The following TMEM108 variants were observed in gnomAD, a reference collection of about 807,000 sequenced individuals.
TMEM108 encodes the protein transmembrane protein 108, also known as cancer/testis antigen 124.
A neutral mutation model predicts 35.1 loss-of-function variants in TMEM108; 12 were observed. The ratio of observed to expected loss-of-function variants is 0.34; its 90% confidence interval spans 0.22 to 0.55. The LOEUF (loss-of-function observed/expected upper bound fraction) is 0.55. Among genes scored for constraint, TMEM108 ranks in the 20% least tolerant of loss-of-function variants. The pLI is 0.89. For missense variants in TMEM108, 680 were observed against 753.3 expected (o/e 0.90, Z 1.14); for synonymous variants, 287 against 308.6 (o/e 0.93, Z 0.73).
intron 3 of TMEM108, among the ~76,000 whole-genome samples, chr3:133,344,484 T>A (rs928694594): frequency 1.3e-5 from 2 of 151,774 alleles, no homozygotes; most frequent in South Asian, 4.1e-4. Context: ...AAAAGATATA[T>A]ATCCTTCCAG....
chr3:133,231,773 C>T (rs1350656081), intron 3 of TMEM108, among the ~76,000 whole-genome samples: 3 of 152,166 alleles, frequency 2.0e-5, no homozygotes, highest in African/African-American at 4.8e-5. Context: ...TACTAGTGGA[C>T]ATTAGCCAGT....
intron 2 of TMEM108, among the ~76,000 whole-genome samples, chr3:133,193,577 C>G (rs1945531726): frequency 1.3e-5 from 2 of 152,246 alleles, no homozygotes; most frequent in Admixed American, 1.3e-4. Context: ...TTGCCGATAC[C>G]TATTTTATGA....
At chr3:133,343,792 G>C (rs1028142214) in intron 3 of TMEM108, among the ~76,000 whole-genome samples, 8 of 151,728 alleles carry the variant, frequency 5.3e-5, no homozygotes, top group African/African-American at 1.9e-4. Flanking sequence ...ACCCTTATAA[G>C]ATGTTTATCA....
intron 3 of TMEM108, among the ~76,000 whole-genome samples, chr3:133,299,828 T>A (rs1403157320): frequency 6.6e-6 from 1 of 152,192 alleles, no homozygotes; most frequent in Non-Finnish European, 1.5e-5. Context: ...ATCATACATC[T>A]GTTCCCCATT....
chr3:133,182,060 T>A (rs1024882279), intron 2 of TMEM108, among the ~76,000 whole-genome samples: 1 of 152,234 alleles, frequency 6.6e-6, no homozygotes, highest in Admixed American at 6.5e-5. Context: ...GTCTGCCCTG[T>A]AGATCTCAAC....
chr3:133,370,829 A>G (rs191088113), intron 3 of TMEM108, among the ~76,000 whole-genome samples: 1 of 151,328 alleles, frequency 6.6e-6, no homozygotes, highest in East Asian at 1.9e-4. Context: ...CAGACACCAT[A>G]TAACAGCCTC....
chr3:133,174,160 A>C (rs972993499), intron 2 of TMEM108, among the ~76,000 whole-genome samples: 1 of 152,252 alleles, frequency 6.6e-6, no homozygotes, highest in African/African-American at 2.4e-5. Context: ...AAGCTTGAGC[A>C]GGTAATCAAA....
At chr3:133,201,049 C>A (rs1033230466) in intron 2 of TMEM108, among the ~76,000 whole-genome samples, 2 of 152,078 alleles carry the variant, frequency 1.3e-5, no homozygotes, top group African/African-American at 4.8e-5. Flanking sequence ...ACTAAAAAAC[C>A]ACCGTGTGCC....
In TMEM108 at chr3:133,115,771, T is replaced by C. The variant is rs117488763; in HGVS notation, c.-47+69751T>C. Among the ~76,000 whole-genome samples the C allele has an allele frequency of 4.4e-3, 668 of 152,352 alleles. 11 individuals are homozygous for C. Among genetic ancestry groups the C allele is most frequent in the East Asian group, 0.031 (162 of 5,184 alleles). Reference sequence around the variant, plus strand: ...TGGTGTTTAATGAATATCTGCTATATGCAGGCACTATATCAGGTATTTCAC... The same window carrying C: ...TGGTGTTTAATGAATATCTGCTATACGCAGGCACTATATCAGGTATTTCAC... On this transcript the variant is annotated intron_variant, in intron 2 of 5. Transcript: ENST00000321871.
intron 2 of TMEM108, among the ~76,000 whole-genome samples, chr3:133,169,430 T>G (rs1161731964): frequency 6.6e-6 from 1 of 152,210 alleles, no homozygotes; most frequent in African/African-American, 2.4e-5. Context: ...GCAAAGGGAC[T>G]GTGTTGTTCA....
intron 2 of TMEM108, among the ~76,000 whole-genome samples, chr3:133,181,018 A>AAAAAAAC (rs1945332003): frequency 1.6e-5 from 2 of 121,640 alleles, no homozygotes; most frequent in African/African-American, 6.2e-5. Context: ...TAAAAAAAAA[A>AAAAAAAC]AAAAAAAAAA....
chr3:133,190,405 A>G, intron 2 of TMEM108, among the ~76,000 whole-genome samples: 1 of 152,222 alleles, frequency 6.6e-6, no homozygotes, highest in East Asian at 1.9e-4. Context: ...CAAGGGTAGA[A>G]GAATAAGAAA....
intron 2 of TMEM108, among the ~76,000 whole-genome samples, chr3:133,166,332 C>T (rs9871892): frequency 0.013 from 2,002 of 152,114 alleles, 21 homozygotes; most frequent in South Asian, 0.02. Context: ...CACATGCACC[C>T]GTAAACTAAA....
chr3:133,137,995 G>C (rs1944588909), intron 2 of TMEM108, among the ~76,000 whole-genome samples: 1 of 152,196 alleles, frequency 6.6e-6, no homozygotes, highest in Admixed American at 6.5e-5. Flanking sequence ...TGAATGGATA[G>C]CCTTTTGTTA....
intron 3 of TMEM108, among the ~76,000 whole-genome samples, chr3:133,275,837 G>T (rs923398339): frequency 1.3e-5 from 2 of 152,122 alleles, no homozygotes; most frequent in African/African-American, 4.8e-5. Flanking sequence ...ATTTTTCAGA[G>T]GATTTGCCTT....
intron 2 of TMEM108, among the ~76,000 whole-genome samples, chr3:133,091,914 A>C (rs1943951470): frequency 6.6e-6 from 1 of 152,286 alleles, no homozygotes; most frequent in East Asian, 1.9e-4. Flanking sequence ...ATGTATCATG[A>C]TTGTTTTGAG....
Position 133,057,421 on chromosome 3 carries a change from TTG to T in TMEM108, c.-47+11415_-47+11416del, listed in dbSNP as rs139260604. Among the ~76,000 whole-genome samples the T allele has an allele frequency of 9.9e-3, 1,038 of 105,218 alleles. 73 individuals are homozygous for T. Among genetic ancestry groups the T allele is most frequent in the African/African-American group, 0.04 (979 of 24,472 alleles). 69.0% of individuals were successfully genotyped at this position (105,218 alleles called of 152,430 possible). Reference sequence around the variant, plus strand: ...TTTAGTAATAAATATGGGCTATTAGTTGTGTGTGTGTGTGTATATATATATAT... The same window carrying T: ...TTTAGTAATAAATATGGGCTATTAGTTGTGTGTGTGTGTATATATATATAT... On this transcript the variant is annotated intron_variant, in intron 2 of 5. Coordinates refer to ENST00000321871, the MANE Select transcript of TMEM108 (RefSeq NM_023943.4).
chr3:133,188,676 T>C (rs1261153606), intron 2 of TMEM108, among the ~76,000 whole-genome samples: 1 of 152,150 alleles, frequency 6.6e-6, no homozygotes, highest in East Asian at 1.9e-4. Flanking sequence ...GGAGAAACCA[T>C]ATTTGAGTAT....
rs112156222 is a variant in TMEM108, at chr3:133,325,265, G to A, written c.41-54487G>A. Among the ~76,000 whole-genome samples the A allele has an allele frequency of 1.7e-3, 262 of 152,230 alleles. 2 individuals carry two copies. The highest frequency in any genetic ancestry group is 6.0e-3 in the African/African-American group (248 of 41,530). On this transcript the variant is annotated intron_variant, in intron 3 of 5. Transcript: ENST00000321871. The stretch of plus-strand genomic sequence containing the variant: ...GTAGACATCATATGTTTTCACAAGC[G>A]GGAGCTAAGCTATGAGGGTGTAAAG...
Sources: allele counts gnomAD v4.1 joint callset (sites outside exome capture counted in the v4.1 genomes callset), GRCh38; gene constraint gnomAD v4.1.1; transcripts MANE v1.5; gene names NCBI Gene and HGNC (gene_info 2026-07-23, HGNC 2026-07-21).